Variants in BLTP3B observed in about 807,000 individuals in gnomAD.
BLTP3B encodes bridge-like lipid transfer protein family member 3B.
At chr12:100,130,961 T>TATATATAG in the BLTP3B span, among the ~76,000 whole-genome samples, 57 of 93,610 alleles carry the variant, frequency 6.1e-4, no homozygotes, top group South Asian at 1.2e-3. Flanking sequence ...TATATATATA[T>TATATATAG]AGAGAGAGAG....
At chr12:100,038,271 C>G in the BLTP3B span, among the ~76,000 whole-genome samples, 1 of 152,278 alleles carries the variant, frequency 6.6e-6, no homozygotes, top group South Asian at 2.1e-4. Context: ...CTCCAACTAT[C>G]ATAGACTCAC....
the BLTP3B span, among the ~76,000 whole-genome samples, chr12:100,045,525 A>ATG: frequency 0.033 from 5,075 of 152,308 alleles, 272 homozygotes; most frequent in African/African-American, 0.11. Context: ...GGCTAGCCAT[A>ATG]TGTAGAAAGC....
chr12:100,080,345 ATC>A, the BLTP3B span, among the ~76,000 whole-genome samples: 3 of 142,820 alleles, frequency 2.1e-5, no homozygotes, highest in Non-Finnish European at 4.5e-5. Flanking sequence ...CATGGAACCC[ATC>A]TCTTTTTTTT....
At chr12:100,138,593 C>T in the BLTP3B span, among the ~76,000 whole-genome samples, 1 of 152,218 alleles carries the variant, frequency 6.6e-6, no homozygotes, top group African/African-American at 2.4e-5. Context: ...AATGTCACCT[C>T]AAGACAAACT....
chr12:100,103,040 C>CA, the BLTP3B span, among the ~76,000 whole-genome samples: 1 of 151,908 alleles, frequency 6.6e-6, no homozygotes, highest in African/African-American at 2.4e-5. Flanking sequence ...ACAAAGCACT[C>CA]AATCAGTTCT....
the BLTP3B span, among the ~76,000 whole-genome samples, chr12:100,139,689 T>C: frequency 6.6e-6 from 1 of 152,246 alleles, no homozygotes; most frequent in African/African-American, 2.4e-5. Flanking sequence ...AGTAAGCTCA[T>C]TCATGTTATG....
chr12:100,070,407 G>C, the BLTP3B span, among the ~76,000 whole-genome samples: 1 of 151,952 alleles, frequency 6.6e-6, no homozygotes, highest in Non-Finnish European at 1.5e-5. Flanking sequence ...TTACAGGCAG[G>C]TGCCACCACG....
At chr12:100,097,612 TGAC>T in the BLTP3B span, 1 of 1,273,476 alleles carries the variant, frequency 7.9e-7, no homozygotes, top group Non-Finnish European at 1.1e-6. Flanking sequence ...AATTTTCACA[TGAC>T]ATTTTAGATA....
At chr12:100,100,034 G>A in the BLTP3B span, among the ~76,000 whole-genome samples, 2 of 151,904 alleles carry the variant, frequency 1.3e-5, no homozygotes, top group Non-Finnish European at 2.9e-5. Context: ...TGGTGACAGT[G>A]GCTGTCACCT....
chr12:100,102,700 C>CTTTTTTT, the BLTP3B span: 1 of 704,522 alleles, frequency 1.4e-6, no homozygotes, highest in Non-Finnish European at 2.2e-6. Context: ...GAGGTTAAGG[C>CTTTTTTT]TTTTTTTTTT....
At chr12:100,042,223 G>A in the BLTP3B span, among the ~76,000 whole-genome samples, 8 of 152,056 alleles carry the variant, frequency 5.3e-5, no homozygotes, top group African/African-American at 4.8e-5. Context: ...TTGAGCTGGC[G>A]TCTTTGTAGA....
chr12:100,070,074 C>T, the BLTP3B span: 5 of 1,436,154 alleles, frequency 3.5e-6, no homozygotes, highest in African/African-American at 5.8e-5. Flanking sequence ...CAAGACAATG[C>T]TTGAGTTTCA....
At chr12:100,139,121 A>T in the BLTP3B span, among the ~76,000 whole-genome samples, 76 of 151,958 alleles carry the variant, frequency 5.0e-4, no homozygotes, top group African/African-American at 1.8e-3. Flanking sequence ...CCACCAACAC[A>T]CCTCCTTGTC....
chr12:100,059,482 C>T, the BLTP3B span: 1 of 1,611,232 alleles, frequency 6.2e-7, no homozygotes, highest in South Asian at 1.1e-5. Flanking sequence ...ATAGAAATTG[C>T]ACGTGGCTGA....
the BLTP3B span, chr12:100,089,005 T>C: frequency 1.2e-6 from 2 of 1,612,184 alleles, no homozygotes; most frequent in African/African-American, 1.3e-5. Flanking sequence ...TCAAAATCAT[T>C]GAATAGTTTC....
the BLTP3B span, among the ~76,000 whole-genome samples, chr12:100,109,159 CCTCTCTCTCTCTCTCTCTCTCT>C: frequency 1.8e-3 from 119 of 65,370 alleles, 1 homozygote; most frequent in East Asian, 9.4e-3. Context: ...TGGCAGTTTT[CCTCTCTCTCTCTCTCTCTCTCT>C]CTCTCTCTCT....
the BLTP3B span, among the ~76,000 whole-genome samples, chr12:100,053,465 G>C: frequency 3.9e-5 from 6 of 152,112 alleles, no homozygotes; most frequent in African/African-American, 1.2e-4. Flanking sequence ...TGGATAAGAA[G>C]AGATGTGGAA....
the BLTP3B span, chr12:100,057,643 G>A: frequency 3.7e-6 from 6 of 1,612,802 alleles, no homozygotes; most frequent in Non-Finnish European, 5.1e-6. Context: ...ATGCTGTCAA[G>A]TGAAATGGTA....
chr12:100,120,783 A>T, the BLTP3B span, among the ~76,000 whole-genome samples: 34 of 150,976 alleles, frequency 2.3e-4, no homozygotes, highest in East Asian at 4.2e-3. Flanking sequence ...CATAGCACAT[A>T]CAATTATGTA....
Sources: gnomAD v4.1 joint callset for allele counts (sites outside exome capture counted in the v4.1 genomes callset) on GRCh38, gnomAD v4.1.1 for gene constraint, MANE v1.5 for transcripts, NCBI Gene and HGNC (gene_info 2026-07-23, HGNC 2026-07-21) for gene names.